Variants in PTPRS observed in about 807,000 individuals in gnomAD.
PTPRS encodes receptor-type tyrosine-protein phosphatase S.
A neutral mutation model predicts 215.3 loss-of-function variants in PTPRS; 63 were observed. The ratio of observed to expected loss-of-function variants is 0.29; its 90% CI spans 0.24 to 0.36. The LOEUF (loss-of-function observed/expected upper bound fraction) is 0.36. PTPRS is among the 10% of genes least tolerant of loss of function. The pLI is 1.00. For missense variants in PTPRS, 2,258 were observed against 2,825.8 expected (o/e 0.80, Z 4.56); for synonymous variants, 1,404 against 1,191.4 (o/e 1.18, Z -3.68).
chr19:5,313,362 TAAG>T (rs1208675162), intron 1 of PTPRS, among the ~76,000 whole-genome samples: 1 of 152,178 alleles, frequency 6.6e-6, no homozygotes, highest in Admixed American at 6.5e-5. Context: ...TGGTGAGACT[TAAG>T]AGAGTGGTCC....
chr19:5,258,605 G>A (rs141753416), intron 7 of PTPRS, among the ~76,000 whole-genome samples: 1 of 152,204 alleles, frequency 6.6e-6, no homozygotes, highest in Non-Finnish European at 1.5e-5. Context: ...TTAGGTGCCC[G>A]TGAGTAAATG....
intron 1 of PTPRS, among the ~76,000 whole-genome samples, chr19:5,336,372 G>A (rs886231739): frequency 2.6e-5 from 4 of 151,834 alleles, no homozygotes; most frequent in African/African-American, 9.7e-5. Context: ...CACTCTCTGC[G>A]TGAGACAACA....
At chr19:5,259,887 C>T (rs2045850859) in intron 7 of PTPRS, among the ~76,000 whole-genome samples, 2 of 152,148 alleles carry the variant, frequency 1.3e-5, no homozygotes, top group African/African-American at 2.4e-5. Context: ...CCCTGGACCT[C>T]GAGGTTCTGG....
rs141597386 is a variant in PTPRS at position 5,207,949 on chromosome 19, G to C, written c.5751C>G (p.Thr1917=). ...DIFQTVKMLR[T]QRPAMVQTED... ...CTGTCTGCACCATGGCCGGCCGCTG[G>C]GTTCGTAGCATCTTCACCGTCTGAA... The change falls in exon 37 of 38, where the codon ACC becomes ACG. Residue 1917 remains threonine, a synonymous_variant. Transcript: ENST00000262963. 2.7e-4 allele frequency: 431 copies of C among 1,614,006 alleles called. No homozygotes were observed. Among genetic ancestry groups the C allele is most frequent in the African/African-American group, 7.3e-4 (55 of 75,050 alleles).
intron 1 of PTPRS, among the ~76,000 whole-genome samples, chr19:5,319,271 C>T (rs35825892): frequency 6.6e-6 from 1 of 151,888 alleles, no homozygotes; most frequent in African/African-American, 2.4e-5. Context: ...ATTAGCCATG[C>T]GTGGTGGTGT....
intron 5 of PTPRS, among the ~76,000 whole-genome samples, chr19:5,263,642 G>C (rs1389282347): frequency 6.6e-6 from 1 of 152,232 alleles, no homozygotes; most frequent in Non-Finnish European, 1.5e-5. Flanking sequence ...CCGTGACACA[G>C]ACAAACACGC....
intron 20 of PTPRS, 97 bp from the exon 21 acceptor site, chr19:5,220,450 T>TCC (rs1373067419): frequency 1.0e-5 from 10 of 1,003,238 alleles, no homozygotes; most frequent in Non-Finnish European, 1.5e-5. Context: ...CTCTGAGTCT[T>TCC]CCCTTCTGTT....
chr19:5,321,251 C>G (rs2050017148), intron 1 of PTPRS, among the ~76,000 whole-genome samples: 1 of 152,076 alleles, frequency 6.6e-6, no homozygotes, highest in South Asian at 2.1e-4. Context: ...CCAGCCTGGG[C>G]AACAGAGCAA....
chr19:5,269,428 G>A (rs912891747), intron 4 of PTPRS, among the ~76,000 whole-genome samples: 2 of 152,158 alleles, frequency 1.3e-5, no homozygotes, highest in African/African-American at 2.4e-5. Context: ...AGATGGCAGA[G>A]GAGGAGGAAG....
At chr19:5,258,168 G>T (rs185196909) in intron 7 of PTPRS, 41 bp from the exon 8 acceptor site, 230 of 1,529,732 alleles carry the variant, frequency 1.5e-4, no homozygotes, top group Non-Finnish European at 1.8e-4. Flanking sequence ...TTAGAGGGGG[G>T]CCCAGGAGTG....
rs181384634 is a variant in PTPRS, at chr19:5,325,717, C to T, written c.-95+14947G>A. Among the ~76,000 whole-genome samples, 29 of 152,376 alleles carry T rather than the reference C, an allele frequency of 1.9e-4. No homozygotes were observed. In the East Asian group the frequency reaches 5.2e-3, roughly 27 times the overall value. Reference sequence around the variant, plus strand: ...CACCCCCATTCAGCCTCCTTCCTGCCTGCCGAGGACACCGGCCAATTCATC... The same window carrying T: ...CACCCCCATTCAGCCTCCTTCCTGCTTGCCGAGGACACCGGCCAATTCATC... On this transcript the variant is annotated intron_variant, in intron 1 of 37. Transcript: ENST00000262963.
chr19:5,215,815 T>A (rs10414946), intron 26 of PTPRS, among the ~76,000 whole-genome samples: 14 of 151,978 alleles, frequency 9.2e-5, no homozygotes, highest in African/African-American at 3.4e-4. Context: ...TTTGAGGCCC[T>A]CTGCTCCGTG....
Position 5,220,990 on chromosome 19 carries a change from G to T in PTPRS, c.3455+10C>A. On this transcript the variant is annotated intron_variant, in intron 20 of 37. Coordinates refer to ENST00000262963, the MANE Select transcript of PTPRS (RefSeq NM_002850.4). ...GTGACAAGGAACCCGGAGCATGGGG[G>T]TGAGCATACTGGACAGGCACGGGGC... 6.3e-7 allele frequency: 1 copy of T among 1,598,706 alleles called. No individual in the cohort carries two copies. Among genetic ancestry groups the T allele is most frequent in the Non-Finnish European group, 8.5e-7 (1 of 1,170,308 alleles).
intron 2 of PTPRS, chr19:5,277,738 C>T: frequency 1.5e-6 from 1 of 678,624 alleles, no homozygotes; most frequent in Non-Finnish European, 2.7e-6. Flanking sequence ...AGCATCATGG[C>T]CGCCCTCAGA....
intron 1 of PTPRS, among the ~76,000 whole-genome samples, chr19:5,326,640 C>T (rs1486232398): frequency 6.6e-6 from 1 of 150,394 alleles, no homozygotes; most frequent in Admixed American, 6.6e-5. Context: ...GAGCTATGAT[C>T]GTGCCACTGC....
Position 5,218,415 on chromosome 19 carries a change from C to A in PTPRS, c.4048+5G>T, listed in dbSNP as rs1272845711. 1.2e-6 allele frequency: 2 copies of A among 1,611,220 alleles called. No individual in the cohort carries two copies. The highest frequency in any genetic ancestry group is 1.7e-6 in the Non-Finnish European group (2 of 1,178,042). ...GCATCCCTGGTACCAGGGATAAGTA[C>A]ATACCTGGAGTCTGGAAGTTAATGC... On this transcript the variant is annotated splice_donor_5th_base_variant and intron_variant, in intron 25 of 37. Coordinates refer to ENST00000262963, the MANE Select transcript of PTPRS (RefSeq NM_002850.4).
At chr19:5,224,237 AAG>A (rs1452116360) in intron 17 of PTPRS, among the ~76,000 whole-genome samples, 6 of 152,196 alleles carry the variant, frequency 3.9e-5, no homozygotes, top group Admixed American at 3.3e-4. Flanking sequence ...TGAAAGAAGA[AAG>A]AGAGGGAACC....
intron 16 of PTPRS, 118 bp downstream of exon 16, chr19:5,229,198 A>G: frequency 9.6e-7 from 1 of 1,044,022 alleles, no homozygotes; most frequent in Non-Finnish European, 1.3e-6. Context: ...GGCGCATGGG[A>G]GGGCCCAGAG....
intron 1 of PTPRS, among the ~76,000 whole-genome samples, chr19:5,311,592 A>G (rs554057743): frequency 1.3e-5 from 2 of 152,298 alleles, no homozygotes; most frequent in East Asian, 1.9e-4. Context: ...GGGTGGGGAT[A>G]TAAGTATCTT....
Sources: allele counts gnomAD v4.1 joint callset (sites outside exome capture counted in the v4.1 genomes callset), GRCh38; gene constraint gnomAD v4.1.1; transcripts MANE v1.5; gene names NCBI Gene and HGNC (gene_info 2026-07-23, HGNC 2026-07-21).